The following SGIP1 variants were observed in gnomAD, a reference collection of about 807,000 sequenced individuals.
The protein encoded by SGIP1 is SH3GL interacting endocytic adaptor 1.
SGIP1 carries 38 observed loss-of-function variants against 107.5 expected under a neutral mutation model. That is an observed-to-expected ratio of 0.35 (90% confidence interval 0.27 to 0.46). SGIP1 has a LOEUF of 0.46. Ranked by LOEUF, SGIP1 falls within the 20% of genes least tolerant of loss-of-function variation. The pLI, the probability that SGIP1 is intolerant of heterozygous loss-of-function variation, is 1.00. For missense variants in SGIP1, 929 were observed against 1,019.5 expected (o/e 0.91, Z 1.21); for synonymous variants, 365 against 366.1 (o/e 1.00, Z 0.03).
intron 15 of SGIP1, among the ~76,000 whole-genome samples, chr1:66,687,547 TG>T (rs1429141005): frequency 6.6e-6 from 1 of 152,138 alleles, no homozygotes; most frequent in Admixed American, 6.6e-5. Flanking sequence ...ATGCAAAATG[TG>T]GGACTATACA....
chr1:66,682,265 G>T lies in SGIP1; in HGVS notation c.1211G>T (p.Gly404Val). Reference protein sequence around the residue: ...LETISSPKDFGLGQRATPPPP... With the variant: ...LETISSPKDFVLGQRATPPPP... The stretch of plus-strand genomic sequence containing the variant: ...ACAATCTCATCTCCTAAAGATTTTG[G>T]GTTGGGACAAAGAGCAACTCCACCT... Residue 404 changes from glycine to valine, a missense_variant, in exon 15 of 25, where the codon GGG (glycine) becomes GTG (valine). Transcript: ENST00000371037. The T allele has an allele frequency of 1.2e-6, 2 of 1,614,174 alleles. No homozygotes were observed. The highest frequency in any genetic ancestry group is 1.7e-6 in the Non-Finnish European group (2 of 1,180,038).
intron 17 of SGIP1, among the ~76,000 whole-genome samples, chr1:66,692,114 G>A (rs568957096): frequency 3.4e-5 from 5 of 147,342 alleles, no homozygotes; most frequent in East Asian, 2.0e-4. Flanking sequence ...AGCCAAGATC[G>A]TACCACTGCA....
chr1:66,631,681 T>TCTCTCTCTCTCTC (rs2074740245), intron 2 of SGIP1, among the ~76,000 whole-genome samples: 1 of 132,164 alleles, frequency 7.6e-6, no homozygotes. Context: ...CTCTCTCTCT[T>TCTCTCTCTCTCTC]TCTCTCTCTC....
At chr1:66,573,108 T>G (rs965296258) in intron 1 of SGIP1, among the ~76,000 whole-genome samples, 3 of 151,692 alleles carry the variant, frequency 2.0e-5, no homozygotes, top group African/African-American at 7.3e-5. Flanking sequence ...CTTCGTGGAG[T>G]GATTAAAATG....
At chr1:66,623,878 T>C (rs11208927) in intron 1 of SGIP1, among the ~76,000 whole-genome samples, 54,943 of 151,860 alleles carry the variant, frequency 0.36, 10,337 homozygotes, top group African/African-American at 0.47. Flanking sequence ...TTTTTTTCAC[T>C]GGAAAGTGGA....
At chr1:66,596,511 T>C (rs1370809923) in intron 1 of SGIP1, among the ~76,000 whole-genome samples, 1 of 151,918 alleles carries the variant, frequency 6.6e-6, no homozygotes, top group Admixed American at 6.6e-5. Context: ...AAAGGGTCGG[T>C]ATATGTAAAA....
At chr1:66,588,995 C>T (rs180965992) in intron 1 of SGIP1, among the ~76,000 whole-genome samples, 20 of 143,432 alleles carry the variant, frequency 1.4e-4, no homozygotes, top group African/African-American at 5.2e-4. Flanking sequence ...GAAGCAAAAA[C>T]AGAACTCTTA....
chr1:66,561,652 G>T (rs1233442933), intron 1 of SGIP1, among the ~76,000 whole-genome samples: 1 of 151,996 alleles, frequency 6.6e-6, no homozygotes, highest in Non-Finnish European at 1.5e-5. Flanking sequence ...TGGTGCTTCT[G>T]GTAGGGTGCA....
chr1:66,637,455 T>TGTGTGTG (rs2076007913), intron 4 of SGIP1, among the ~76,000 whole-genome samples: 1 of 38,458 alleles, frequency 2.6e-5, no homozygotes, highest in African/African-American at 1.8e-4. Flanking sequence ...GTGTGTGTGT[T>TGTGTGTG]TGTGTGTGTG....
intron 1 of SGIP1, among the ~76,000 whole-genome samples, chr1:66,612,411 A>T (rs1025181171): frequency 2.6e-5 from 4 of 152,222 alleles, no homozygotes; most frequent in African/African-American, 9.6e-5. Flanking sequence ...ATACTGTTGG[A>T]TGGTTTGTGA....
chr1:66,658,511 G>A (rs2080237230), intron 7 of SGIP1, among the ~76,000 whole-genome samples: 1 of 152,106 alleles, frequency 6.6e-6, no homozygotes, highest in Admixed American at 6.5e-5. Context: ...CCTTATTTCA[G>A]ACAACAATTT....
intron 7 of SGIP1, among the ~76,000 whole-genome samples, chr1:66,644,947 A>G (rs1418844229): frequency 6.6e-6 from 1 of 151,930 alleles, no homozygotes; most frequent in African/African-American, 2.4e-5. Flanking sequence ...TTAAAGTTAC[A>G]TATTGGCCTG....
At chr1:66,723,546 A>G (rs1016372988) in intron 19 of SGIP1, among the ~76,000 whole-genome samples, 4 of 152,138 alleles carry the variant, frequency 2.6e-5, no homozygotes, top group Non-Finnish European at 4.4e-5. Flanking sequence ...ATTCCCTAGA[A>G]AAGCTTAGGT....
At chr1:66,736,964 T>C (rs1268942921) in intron 21 of SGIP1, among the ~76,000 whole-genome samples, 1 of 152,104 alleles carries the variant, frequency 6.6e-6, no homozygotes, top group African/African-American at 2.4e-5. Context: ...ACATTATGGA[T>C]AATACTGAAA....
chr1:66,569,333 C>A (rs1474084724), intron 1 of SGIP1, among the ~76,000 whole-genome samples: 7 of 151,764 alleles, frequency 4.6e-5, no homozygotes, highest in Non-Finnish European at 1.0e-4. Context: ...GAGTTTCTCC[C>A]CATTAAGCAT....
intron 10 of SGIP1, 60 bp downstream of exon 10, chr1:66,671,079 G>A: frequency 1.1e-6 from 1 of 873,114 alleles, no homozygotes; most frequent in Non-Finnish European, 1.8e-6. Context: ...CAGTTCCTTG[G>A]ATCTTGGAGT....
chr1:66,714,526 T>C (rs1221189495), intron 18 of SGIP1, among the ~76,000 whole-genome samples: 1 of 152,140 alleles, frequency 6.6e-6, no homozygotes, highest in Non-Finnish European at 1.5e-5. Flanking sequence ...TACATGGTAG[T>C]GTCTCAGTAA....
chr1:66,604,682 C>T (rs569159612), intron 1 of SGIP1, among the ~76,000 whole-genome samples: 101 of 152,314 alleles, frequency 6.6e-4, no homozygotes, highest in Admixed American at 6.6e-3. Flanking sequence ...ATCCAATTCA[C>T]AAACTATCAC....
chr1:66,574,907 G>A (rs10889632), intron 1 of SGIP1, among the ~76,000 whole-genome samples: 23,373 of 152,144 alleles, frequency 0.15, 1,869 homozygotes, highest in Admixed American at 0.19. Context: ...ATTTTGGAGC[G>A]TTAAACTATT....
Sources: allele counts gnomAD v4.1 joint callset (sites outside exome capture counted in the v4.1 genomes callset), GRCh38; gene constraint gnomAD v4.1.1; transcripts MANE v1.5; gene names NCBI Gene and HGNC (gene_info 2026-07-23, HGNC 2026-07-21).